SAGE1: variants seen among roughly 807,000 people sequenced by gnomAD.
SAGE1 encodes cancer/testis antigen 14.
SAGE1 carries 55 observed loss-of-function variants against 55.4 expected under a neutral mutation model. The observed-to-expected ratio is 0.99, with a 90% CI of 0.80 to 1.24. The LOEUF (loss-of-function observed/expected upper bound fraction) is 1.24. SAGE1 is among the 50% of genes most tolerant of loss of function. The probability of loss-of-function intolerance (pLI) is 0.00; values close to 1 mark genes in which losing one functional copy is unlikely to be tolerated. For missense variants in SAGE1, 710 were observed against 704.4 expected (o/e 1.01, Z -0.09); for synonymous variants, 240 against 244.3 (o/e 0.98, Z 0.17).
At chrX:135,902,803 C>T in intron 3 of SAGE1, among the ~76,000 whole-genome samples, 1 of 111,867 alleles carries the variant, frequency 8.9e-6, no homozygotes, top group Middle Eastern at 4.6e-3. Flanking sequence ...CAGTAGATGC[C>T]CAGTATAAAT....
chrX:135,904,520 C>T lies in SAGE1; in HGVS notation c.264C>T (p.Asn88=), dbSNP rs1556598882. 7 of 1,202,938 alleles carry T rather than the reference C, an allele frequency of 5.8e-6. No homozygotes were observed. Among genetic ancestry groups the T allele is most frequent in the South Asian group, 1.8e-5 (1 of 56,135 alleles). ...GCATTTGTGAAGAGAGGATAAATAA[C>T]GGCCAACCAGTAGCTGATAATGTCT... ...THSICEERIN[N]GQPVADNVLS... is the part of the protein sequence containing the mutation. The change falls in exon 4 of 20, where the codon AAC becomes AAT. Residue 88 remains asparagine, a synonymous_variant. Coordinates refer to ENST00000370709, the MANE Select transcript of SAGE1 (RefSeq NM_001381902.1).
chrX:135,897,241 C>T, intron 2 of SAGE1, among the ~76,000 whole-genome samples: 1 of 112,205 alleles, frequency 8.9e-6, no homozygotes, highest in Middle Eastern at 4.6e-3. Context: ...ATGAGAGAGA[C>T]TTACTAACTT....
Position 135,897,416 on chromosome X carries a change from T to C in SAGE1, c.87+1087T>C, listed in dbSNP as rs782471731. ...TTTTCTGTGCCTTTATTTTCTCTTT[T>C]TTAACAATAGTCATAAGAATCACAC... On this transcript the variant is annotated intron_variant, in intron 2 of 19. Transcript: ENST00000370709. Among the ~76,000 whole-genome samples, 288 of 112,000 alleles carry C rather than the reference T, an allele frequency of 2.6e-3. 2 individuals are homozygous for C. Among genetic ancestry groups the C allele is most frequent in the Non-Finnish European group, 3.1e-3 (166 of 53,226 alleles).
At chrX:135,896,141 A>G (rs1603121677) in intron 1 of SAGE1, 102 bp from the exon 2 acceptor site, 1 of 555,301 alleles carries the variant, frequency 1.8e-6, no homozygotes, top group East Asian at 3.3e-5. Context: ...AGAGGATCAT[A>G]TATTTCAGCT....
In SAGE1 at chrX:135,907,019, T is replaced by C. The variant is rs781819525; in HGVS notation, c.830T>C (p.Ile277Thr). ...NILSTASTGL[I>T]NVAGAGTPAI... ...TTGTCAACTGCTTCAACAGGGCTTA[T>C]TAATGTGGCAGGAGCTGGTACTCCA... is the stretch of plus-strand genomic sequence containing the variant. The change falls in exon 8 of 20, where the codon ATT (isoleucine) becomes ACT (threonine). Residue 277 changes from isoleucine to threonine, a missense_variant. Physicochemically the swap from Ile to Thr is moderately conservative, Grantham distance 89. Transcript: ENST00000370709. 9 of 1,210,900 alleles carry C rather than the reference T, an allele frequency of 7.4e-6. No homozygotes were observed. The South Asian group carries it at 1.6e-4, about 21-fold the overall frequency.
chrX:135,901,453 AC>A (rs1320470415), intron 2 of SAGE1, 105 bp from the exon 3 acceptor site: 8 of 813,435 alleles, frequency 9.8e-6, no homozygotes, highest in Admixed American at 9.6e-5. Context: ...TGTGACTAAA[AC>A]TTACATTAAT....
Position 135,908,499 on chromosome X carries a change from C to A in SAGE1, c.1323C>A (p.Val441=). Residue 441 remains valine (V), a synonymous_variant, in exon 12 of 20, where the codon GTC becomes GTA. Coordinates refer to ENST00000370709, the MANE Select transcript of SAGE1 (RefSeq NM_001381902.1). ...TAGATGCTACCGTCAATCACCATGT[C>A]CATGAAGCAAGGATGGAAAATGGCC... ...RDQYATVNHH[V]HEARMENGQR... is the part of the protein sequence containing the mutation. The A allele has an allele frequency of 8.3e-7, 1 of 1,206,290 alleles. No homozygotes were observed. The highest frequency in any genetic ancestry group is 1.1e-6 in the Non-Finnish European group (1 of 893,390).
intron 8 of SAGE1, 27 bp from the exon 9 acceptor site, chrX:135,907,286 A>C: frequency 8.4e-7 from 1 of 1,196,834 alleles, no homozygotes. Context: ...ACTTACTCAC[A>C]GCTCAACCTC....
intron 1 of SAGE1, 152 bp from the exon 2 acceptor site, chrX:135,896,090 AG>A (rs1482771452): frequency 1.2e-5 from 5 of 432,908 alleles, no homozygotes; most frequent in Non-Finnish European, 2.1e-5. Context: ...TCTGGTACCA[AG>A]GCACACATTG....
At chrX:135,905,488 C>T in intron 5 of SAGE1, 96 bp downstream of exon 5, 1 of 881,874 alleles carries the variant, frequency 1.1e-6, no homozygotes. Context: ...ATATACTTTC[C>T]TAGTCTCAAT....
intron 4 of SAGE1, 41 bp downstream of exon 4, chrX:135,904,610 A>AGATCTGTG (rs782565736): frequency 8.0e-5 from 72 of 895,595 alleles, no homozygotes; most frequent in Non-Finnish European, 1.1e-4. Flanking sequence ...TGAGTATGAA[A>AGATCTGTG]TTCATCCATG....
intron 7 of SAGE1, 32 bp downstream of exon 7, chrX:135,906,583 T>C: frequency 3.4e-6 from 2 of 591,510 alleles, no homozygotes; most frequent in Non-Finnish European, 5.6e-6. Flanking sequence ...ACTGTCCTAC[T>C]TGGTTTCCAT....
At chrX:135,908,011 G>A in intron 10 of SAGE1, 78 bp from the exon 11 acceptor site, 1 of 1,108,787 alleles carries the variant, frequency 9.0e-7, no homozygotes, top group Non-Finnish European at 1.2e-6. Context: ...CCTAGATAGT[G>A]AGCATCAGAG....
In SAGE1 at chrX:135,910,542, T is replaced by C; in HGVS notation, c.1992T>C (p.Ile664=). The C allele has an allele frequency of 8.3e-7, 1 of 1,211,057 alleles. No individual in the cohort carries two copies. Among genetic ancestry groups the C allele is most frequent in the South Asian group, 1.8e-5 (1 of 56,951 alleles). ...CAGCAGCTGGAATTTCATCCACGAT[T>C]ACCAGGGATCTGTGTATGTCTGCTT... The part of the protein sequence containing the change: ...HMAAAGISST[I]TRDLYVTATH... Residue 664 remains isoleucine (I), a synonymous_variant, in exon 16 of 20, where the codon ATT becomes ATC. Coordinates refer to ENST00000370709, the MANE Select transcript of SAGE1 (RefSeq NM_001381902.1).
intron 7 of SAGE1, 25 bp from the exon 8 acceptor site, chrX:135,906,901 C>T: frequency 8.3e-7 from 1 of 1,203,461 alleles, no homozygotes; most frequent in Non-Finnish European, 1.1e-6. Context: ...TACCTAACAG[C>T]TCAGCCTCTT....
At position 135,911,943 on chromosome X, in the gene SAGE1, G is replaced by T. The variant is rs782479549; in HGVS notation, c.2511G>T (p.Arg837Ser). ...IKYQLMKEVR[R>S]FGQNYERIFI... The stretch of plus-strand genomic sequence containing the variant: ...ATCAATTAATGAAAGAAGTTCGAAG[G>T]TTTGGGCAAAGTAAGTACTGCAAGA... Residue 837 changes from arginine to serine, a missense_variant, in exon 18 of 20, where the codon AGG becomes AGT. By Grantham distance (110) the Arg-to-Ser change is moderately radical. Coordinates refer to ENST00000370709, the MANE Select transcript of SAGE1 (RefSeq NM_001381902.1). 5.8e-6 allele frequency: 7 copies of T among 1,209,270 alleles called. No homozygotes were observed. The Admixed American group carries it at 1.1e-4, about 19-fold the overall frequency.
intron 6 of SAGE1, 99 bp from the exon 7 acceptor site, chrX:135,906,312 T>A: frequency 1.3e-5 from 14 of 1,104,831 alleles, no homozygotes; most frequent in Non-Finnish European, 1.7e-5. Flanking sequence ...CCTACTGCTT[T>A]ATGAAATAAT....
At chrX:135,905,856 C>T (rs1314741628) in intron 5 of SAGE1, among the ~76,000 whole-genome samples, 168 bp from the exon 6 acceptor site, 8 of 111,352 alleles carry the variant, frequency 7.2e-5, no homozygotes, top group Non-Finnish European at 1.5e-4. Flanking sequence ...AAGGTGGTTT[C>T]GTTTTATTAT....
At position 135,913,021 on chromosome X, in the gene SAGE1, A is replaced by T. The variant is rs2088925528; in HGVS notation, c.*124A>T. 1 of 475,254 alleles carries T rather than the reference A, an allele frequency of 2.1e-6. No individual in the cohort carries two copies. Among genetic ancestry groups the T allele is most frequent in the Non-Finnish European group, 3.6e-6 (1 of 279,483 alleles). The allele number at this position is 475,254 out of a possible 1,213,427, so 39.2% of individuals were successfully genotyped here. On this transcript the variant is annotated 3_prime_UTR_variant, in exon 20 of 20. Coordinates refer to ENST00000370709, the MANE Select transcript of SAGE1 (RefSeq NM_001381902.1). ...CCCTTCCAGAAGCTACGAAAAAGGG[A>T]GCTGTTTAAATTTAATAAATCTCTG...
Sources: gnomAD v4.1 joint callset for allele counts (sites outside exome capture counted in the v4.1 genomes callset) on GRCh38, gnomAD v4.1.1 for gene constraint, MANE v1.5 for transcripts, NCBI Gene and HGNC (gene_info 2026-07-23, HGNC 2026-07-21) for gene names.